Variants in ANXA8 observed in about 807,000 individuals in gnomAD.
ANXA8 encodes the protein annexin A8.
In ANXA8, 9 loss-of-function variants were observed where a neutral mutation model predicts 26.8. The ratio of observed to expected loss-of-function variants is 0.34; its 90% CI spans 0.20 to 0.59. The LOEUF (loss-of-function observed/expected upper bound fraction) is 0.59, where lower values mean the gene tolerates loss of function less well. Among genes scored for constraint, ANXA8 ranks in the 20% least tolerant of loss-of-function variants. The pLI, the probability that ANXA8 is intolerant of heterozygous loss-of-function variation, is 0.84. For synonymous variants in ANXA8, 39 were observed against 94.8 expected, an observed-to-expected ratio of 0.41 and a Z score of 3.42; for missense variants, 83 against 238.5, an observed-to-expected ratio of 0.35 and a Z score of 4.29.
the ANXA8 span, among the ~76,000 whole-genome samples, chr10:47,945,480 C>A: frequency 2.0e-5 from 3 of 150,744 alleles, no homozygotes; most frequent in Non-Finnish European, 4.4e-5. Context: ...ACCTTCCTGG[C>A]CTCAGACAAA....
At chr10:47,758,001 G>C in the ANXA8 span, 1 of 1,497,358 alleles carries the variant, frequency 6.7e-7, no homozygotes, top group Admixed American at 2.0e-5. Context: ...AAGGGGAAGA[G>C]CACCTGGCCC....
chr10:47,537,619 T>A, the ANXA8 span, among the ~76,000 whole-genome samples: 10 of 138,636 alleles, frequency 7.2e-5, 2 homozygotes, highest in East Asian at 5.6e-4. Context: ...TTACATAATT[T>A]AAAAAAAACT....
At chr10:47,647,242 T>G in the ANXA8 span, among the ~76,000 whole-genome samples, 1 of 152,062 alleles carries the variant, frequency 6.6e-6, no homozygotes, top group African/African-American at 2.4e-5. Flanking sequence ...TATTTTAATA[T>G]GTATACATTT....
upstream of ANXA8, chr10:47,484,179 G>C (rs1381795928): frequency 8.9e-5 from 75 of 847,416 alleles, 1 homozygote; most frequent in East Asian, 2.0e-3. Flanking sequence ...GGCCTGCTCT[G>C]GGGAATTACA....
chr10:47,983,369 G>A, the ANXA8 span, among the ~76,000 whole-genome samples: 1 of 131,536 alleles, frequency 7.6e-6, no homozygotes, highest in East Asian at 2.0e-4. Context: ...AAACAACTGT[G>A]GTATTCCTTT....
the ANXA8 span, among the ~76,000 whole-genome samples, chr10:47,952,252 T>C: frequency 0.016 from 2,223 of 143,142 alleles, no homozygotes; most frequent in African/African-American, 0.063. Context: ...TCATTCAACA[T>C]TGTACCAAAA....
chr10:47,769,777 T>C, the ANXA8 span, among the ~76,000 whole-genome samples: 1 of 152,312 alleles, frequency 6.6e-6, no homozygotes, highest in Non-Finnish European at 1.5e-5. Flanking sequence ...CTCTCTTCCC[T>C]GTACCGGTAT....
the ANXA8 span, chr10:47,690,567 A>G: frequency 1.2e-6 from 1 of 843,724 alleles, no homozygotes. Flanking sequence ...GAATACCTGA[A>G]GAGAATTCGA....
the ANXA8 span, chr10:47,581,646 A>G: frequency 4.0e-5 from 16 of 400,414 alleles, no homozygotes; most frequent in Non-Finnish European, 6.3e-5. Context: ...TCGCTCTGTC[A>G]CCCAGGCTGG....
the ANXA8 span, among the ~76,000 whole-genome samples, chr10:47,559,142 CTTTTTTTTTTTTT>C: frequency 6.8e-5 from 5 of 73,310 alleles, 1 homozygote; most frequent in African/African-American, 2.9e-4. Context: ...TGGAGTCTTA[CTTTTTTTTTTTTT>C]TTTTTTTTTT....
chr10:47,982,816 A>ATATATATATATATG, the ANXA8 span, among the ~76,000 whole-genome samples: 3 of 63,170 alleles, frequency 4.7e-5, no homozygotes, highest in Admixed American at 3.6e-4. Context: ...ATATATATAT[A>ATATATATATATATG]TATATATATA....
the ANXA8 span, among the ~76,000 whole-genome samples, chr10:47,649,268 A>G: frequency 6.6e-6 from 1 of 151,304 alleles, no homozygotes; most frequent in Non-Finnish European, 1.5e-5. Context: ...TGATACATAA[A>G]CCCTATTTAT....
chr10:47,733,147 T>TTCTC, the ANXA8 span, among the ~76,000 whole-genome samples: 1,329 of 51,510 alleles, frequency 0.026, 25 homozygotes, highest in African/African-American at 0.082. Context: ...TCCCTAATCT[T>TTCTC]TCTTTCTTTC....
the ANXA8 span, among the ~76,000 whole-genome samples, chr10:47,600,302 C>T: frequency 1.1e-4 from 16 of 150,272 alleles, no homozygotes; most frequent in South Asian, 6.2e-4. Flanking sequence ...TGCGAAGCCC[C>T]GGGGTTCAGG....
chr10:47,560,818 AT>A, the ANXA8 span, among the ~76,000 whole-genome samples: 67 of 149,282 alleles, frequency 4.5e-4, no homozygotes, highest in African/African-American at 1.1e-3. Context: ...TGTTAAAACA[AT>A]TTTTTTTTTT....
chr10:47,487,790 A>T (rs1424512860), upstream of ANXA8, among the ~76,000 whole-genome samples: 4 of 142,720 alleles, frequency 2.8e-5, 1 homozygote, highest in East Asian at 7.0e-4. Context: ...TTTTTTGGCT[A>T]TAGAAAATTT....
At chr10:47,685,025 A>G in the ANXA8 span, among the ~76,000 whole-genome samples, 1 of 150,642 alleles carries the variant, frequency 6.6e-6, no homozygotes, top group Non-Finnish European at 1.5e-5. Flanking sequence ...AAATAAGTGA[A>G]GGCACACTGA....
the ANXA8 span, among the ~76,000 whole-genome samples, chr10:47,694,800 C>A: frequency 6.6e-6 from 1 of 151,508 alleles, no homozygotes; most frequent in South Asian, 2.1e-4. Flanking sequence ...ATTATAACTT[C>A]TAGCAATAGA....
At chr10:47,581,989 G>T in the ANXA8 span, among the ~76,000 whole-genome samples, 1 of 150,134 alleles carries the variant, frequency 6.7e-6, no homozygotes, top group South Asian at 2.1e-4. Context: ...CATGGCCAGG[G>T]AAGGCTTGAC....
Sources: gnomAD v4.1 joint callset for allele counts (sites outside exome capture counted in the v4.1 genomes callset) on GRCh38, gnomAD v4.1.1 for gene constraint, MANE v1.5 for transcripts, NCBI Gene and HGNC (gene_info 2026-07-23, HGNC 2026-07-21) for gene names.